Variants in NUBPL observed in about 807,000 individuals in gnomAD.
The protein encoded by NUBPL is iron-sulfur cluster transfer protein NUBPL.
NUBPL carries 31 observed loss-of-function variants against 45.7 expected under a neutral mutation model. The observed-to-expected ratio is 0.68, with a 90% CI of 0.51 to 0.92. The LOEUF (loss-of-function observed/expected upper bound fraction) is 0.92. Ranked by LOEUF, NUBPL falls within the 40% of genes least tolerant of loss-of-function variation. NUBPL has a pLI of 0.00. For missense variants in NUBPL, 401 were observed against 398.7 expected (o/e 1.01, Z -0.05); for synonymous variants, 144 against 140.9 (o/e 1.02, Z -0.15).
chr14:31,619,188 G>A (rs1303409546), intron 4 of NUBPL, among the ~76,000 whole-genome samples: 1 of 152,160 alleles, frequency 6.6e-6, no homozygotes, highest in Admixed American at 6.5e-5. Flanking sequence ...CTTTGCATGT[G>A]AGATGGGTCT....
In NUBPL at chr14:31,826,685, G is replaced by A; in HGVS notation, c.664G>A (p.Ala222Thr). The A allele has an allele frequency of 1.9e-6, 3 of 1,614,128 alleles. No individual in the cohort carries two copies. Among genetic ancestry groups the A allele is most frequent in the Non-Finnish European group, 2.5e-6 (3 of 1,179,986 alleles). ...DIALMDAHKGAEMFRRVHVPV... is the reference protein window; with the variant it reads ...DIALMDAHKGTEMFRRVHVPV... ...CGCATTGATGGATGCACACAAGGGT[G>A]CTGAGATGTTTCGCAGAGTCCACGT... Residue 222 changes from alanine to threonine, a missense_variant, in exon 8 of 11, where the codon GCT (alanine) becomes ACT (threonine). Physicochemically the swap from Ala to Thr is moderately conservative, Grantham distance 58. Transcript: ENST00000281081.
intron 4 of NUBPL, among the ~76,000 whole-genome samples, chr14:31,619,028 T>A (rs978156726): frequency 1.3e-5 from 2 of 152,224 alleles, no homozygotes; most frequent in Non-Finnish European, 2.9e-5. Flanking sequence ...ATTGATGACT[T>A]CATCATTATG....
chr14:31,729,275 T>TCCC (rs369958143), intron 6 of NUBPL, among the ~76,000 whole-genome samples: 27 of 55,588 alleles, frequency 4.9e-4, no homozygotes, highest in South Asian at 2.1e-3. Flanking sequence ...AGATGCTCCA[T>TCCC]CCCCCCCCCC....
chr14:31,666,606 G>T (rs1156463932), intron 4 of NUBPL, among the ~76,000 whole-genome samples: 1 of 152,050 alleles, frequency 6.6e-6, no homozygotes, highest in African/African-American at 2.4e-5. Flanking sequence ...AATGCTAGCT[G>T]GTTATTTTTC....
At chr14:31,594,600 A>G (rs1024736543) in intron 3 of NUBPL, among the ~76,000 whole-genome samples, 15 of 150,120 alleles carry the variant, frequency 1.0e-4, no homozygotes, top group African/African-American at 2.7e-4. Context: ...TTTTTTCCTG[A>G]TTGAACTTGA....
intron 4 of NUBPL, among the ~76,000 whole-genome samples, chr14:31,638,889 C>A (rs1311453696): frequency 2.0e-5 from 3 of 152,196 alleles, no homozygotes; most frequent in Non-Finnish European, 2.9e-5. Context: ...GCTCCTGAGG[C>A]TTCTGCATTC....
chr14:31,757,791 A>G (rs557008603), intron 6 of NUBPL, among the ~76,000 whole-genome samples: 1 of 152,232 alleles, frequency 6.6e-6, no homozygotes, highest in Non-Finnish European at 1.5e-5. Flanking sequence ...ATGTGCTTAG[A>G]TCATAACTCA....
chr14:31,704,645 C>T (rs1178305725), intron 6 of NUBPL, among the ~76,000 whole-genome samples: 1 of 151,672 alleles, frequency 6.6e-6, no homozygotes, highest in Non-Finnish European at 1.5e-5. Context: ...CTCTAGGCAA[C>T]AAGAGCAAAA....
chr14:31,829,972 G>A (rs1337837824), intron 8 of NUBPL, among the ~76,000 whole-genome samples: 2 of 152,106 alleles, frequency 1.3e-5, no homozygotes, highest in East Asian at 3.9e-4. Context: ...TTTATGTGTT[G>A]TGTCATTCTC....
intron 3 of NUBPL, among the ~76,000 whole-genome samples, chr14:31,573,138 G>A (rs2033632553): frequency 1.3e-5 from 2 of 152,250 alleles, no homozygotes; most frequent in South Asian, 2.1e-4. Flanking sequence ...CCATAAACAC[G>A]TGAATCATGT....
At chr14:31,841,438 A>G (rs2040367632) in intron 8 of NUBPL, among the ~76,000 whole-genome samples, 1 of 152,114 alleles carries the variant, frequency 6.6e-6, no homozygotes, top group Non-Finnish European at 1.5e-5. Context: ...CTTTTGTGGA[A>G]TATCTGTTAA....
Position 31,803,489 on chromosome 14 carries a change from C to T in NUBPL, c.607+15616C>T, listed in dbSNP as rs2039630101. On this transcript the variant is annotated intron_variant, in intron 7 of 10. Transcript: ENST00000281081. ...AAATGTAGCTCTAAAAATAACTTTGCACCTTAAAGGTTCAGGAATTAGGAC... is the reference window on the plus strand; with the variant it reads ...AAATGTAGCTCTAAAAATAACTTTGTACCTTAAAGGTTCAGGAATTAGGAC... Among the ~76,000 whole-genome samples the T allele has an allele frequency of 3.3e-5, 5 of 152,144 alleles. No homozygotes were observed. The South Asian group carries it at 1.0e-3, about 31-fold the overall frequency.
rs369323852 is a variant in NUBPL, at chr14:31,562,144, C to T, written c.185C>T (p.Pro62Leu). The T allele has an allele frequency of 6.8e-6, 11 of 1,613,656 alleles. No individual in the cohort carries two copies. The African/African-American group carries it at 8.0e-5, about 12-fold the overall frequency. ...IMSRGLPKQK[P>L]IEGVKQVIVV... Reference sequence around the variant, plus strand: ...TCCCGAGGACTTCCAAAGCAGAAACCGATAGAAGGTGTTAAACAAGTTATA... The same window carrying T: ...TCCCGAGGACTTCCAAAGCAGAAACTGATAGAAGGTGTTAAACAAGTTATA... The change falls in exon 2 of 11, where the codon CCG (proline) becomes CTG (leucine). Residue 62 changes from proline (P) to leucine (L), a missense_variant. Coordinates refer to ENST00000281081, the MANE Select transcript of NUBPL (RefSeq NM_025152.3).
intron 4 of NUBPL, among the ~76,000 whole-genome samples, chr14:31,646,632 A>G (rs2035861081): frequency 6.6e-6 from 1 of 151,962 alleles, no homozygotes; most frequent in Middle Eastern, 3.2e-3. Context: ...TGCTGCTTTT[A>G]GTATCCTTTC....
intron 4 of NUBPL, among the ~76,000 whole-genome samples, chr14:31,658,820 A>G (rs975761702): frequency 6.6e-6 from 1 of 152,054 alleles, no homozygotes. Context: ...TTTAATAGCT[A>G]TTTACTGTGG....
chr14:31,603,183 C>A (rs1390906833), intron 4 of NUBPL, among the ~76,000 whole-genome samples: 2 of 150,808 alleles, frequency 1.3e-5, no homozygotes, highest in Non-Finnish European at 3.0e-5. Flanking sequence ...ACCTGTAGTC[C>A]CTGATATTCA....
chr14:31,577,769 T>C (rs2033754318), intron 3 of NUBPL: 1 of 154,968 alleles, frequency 6.5e-6, no homozygotes, highest in Non-Finnish European at 1.4e-5. Flanking sequence ...GTACTTGATG[T>C]TGTTGGCACT....
At chr14:31,757,971 A>G (rs1035433879) in intron 6 of NUBPL, among the ~76,000 whole-genome samples, 1 of 152,094 alleles carries the variant, frequency 6.6e-6, no homozygotes, top group Admixed American at 6.6e-5. Context: ...TCTATCTGGA[A>G]ACTTTACCCT....
At chr14:31,582,898 A>G (rs1276040853) in intron 3 of NUBPL, among the ~76,000 whole-genome samples, 1 of 152,204 alleles carries the variant, frequency 6.6e-6, no homozygotes, top group African/African-American at 2.4e-5. Context: ...AGTCTACCAA[A>G]TGTCATTTTT....
Sources: gnomAD v4.1 joint callset for allele counts (sites outside exome capture counted in the v4.1 genomes callset) on GRCh38, gnomAD v4.1.1 for gene constraint, MANE v1.5 for transcripts, NCBI Gene and HGNC (gene_info 2026-07-23, HGNC 2026-07-21) for gene names.